FANCC: variants seen among roughly 807,000 people sequenced by gnomAD.
FANCC encodes the protein Fanconi anemia group C protein.
A neutral mutation model predicts 71.3 loss-of-function variants in FANCC; 55 were observed. The ratio of observed to expected loss-of-function variants is 0.77; its 90% CI spans 0.62 to 0.97. The LOEUF (loss-of-function observed/expected upper bound fraction) is 0.97. Among genes scored for constraint, FANCC ranks in the 50% least tolerant of loss-of-function variants. FANCC has a pLI of 0.00. For missense variants in FANCC, 678 were observed against 670.9 expected (o/e 1.01, Z -0.12); for synonymous variants, 275 against 244.9 (o/e 1.12, Z -1.15).
intron 1 of FANCC, among the ~76,000 whole-genome samples, chr9:95,273,554 G>A (rs765697975): frequency 6.6e-6 from 1 of 152,208 alleles, no homozygotes; most frequent in Non-Finnish European, 1.5e-5. Context: ...TTTCTGCTCC[G>A]TTCAAGCACA....
intron 8 of FANCC, among the ~76,000 whole-genome samples, chr9:95,128,954 G>T (rs1826442943): frequency 1.3e-5 from 2 of 151,686 alleles, no homozygotes; most frequent in Admixed American, 1.3e-4. Context: ...TGCCAGGCTG[G>T]AGTGCAGTGG....
chr9:95,253,435 T>C (rs1399513386), intron 1 of FANCC, among the ~76,000 whole-genome samples: 2 of 152,154 alleles, frequency 1.3e-5, no homozygotes, highest in Non-Finnish European at 2.9e-5. Flanking sequence ...ATGTAAGGTG[T>C]TTCTCTCAAC....
chr9:95,314,530 T>TA (rs1835618755), intron 1 of FANCC, among the ~76,000 whole-genome samples: 2 of 152,156 alleles, frequency 1.3e-5, no homozygotes, highest in South Asian at 4.2e-4. Flanking sequence ...AGGGTGCCTG[T>TA]AGTCCCAGCT....
chr9:95,129,172 C>T (rs1232156018), intron 8 of FANCC, among the ~76,000 whole-genome samples: 1 of 152,128 alleles, frequency 6.6e-6, no homozygotes, highest in Non-Finnish European at 1.5e-5. Flanking sequence ...CCTTGCTACC[C>T]CTACAGCTGT....
At chr9:95,314,132 G>A (rs887992261) in intron 1 of FANCC, among the ~76,000 whole-genome samples, 7 of 152,200 alleles carry the variant, frequency 4.6e-5, no homozygotes, top group African/African-American at 1.7e-4. Context: ...CACATGGAAA[G>A]AAAAGTAAAA....
chr9:95,253,663 A>T (rs1030551828), intron 1 of FANCC, among the ~76,000 whole-genome samples: 5 of 152,214 alleles, frequency 3.3e-5, no homozygotes, highest in South Asian at 2.1e-4. Flanking sequence ...CTTTTAAAAA[A>T]TTTTTTATTC....
chr9:95,217,240 C>T (rs1039206390), intron 4 of FANCC, among the ~76,000 whole-genome samples: 1 of 152,180 alleles, frequency 6.6e-6, no homozygotes, highest in African/African-American at 2.4e-5. Flanking sequence ...AATCCCAGCA[C>T]TTTGGGAGGC....
intron 4 of FANCC, among the ~76,000 whole-genome samples, chr9:95,189,910 TG>T (rs1175577066): frequency 6.6e-6 from 1 of 152,182 alleles, no homozygotes; most frequent in Non-Finnish European, 1.5e-5. Flanking sequence ...AGCGTTGGCT[TG>T]GATTTCTGAC....
intron 4 of FANCC, among the ~76,000 whole-genome samples, chr9:95,189,497 C>T (rs1826947338): frequency 6.6e-6 from 1 of 151,406 alleles, no homozygotes; most frequent in South Asian, 2.1e-4. Flanking sequence ...CTTTTGCTTA[C>T]AGAACCTCTT....
chr9:95,267,683 C>A (rs1457878438), intron 1 of FANCC, among the ~76,000 whole-genome samples: 1 of 151,990 alleles, frequency 6.6e-6, no homozygotes, highest in African/African-American at 2.4e-5. Flanking sequence ...ATACTTAAGA[C>A]ACTAAAATAA....
intron 6 of FANCC, among the ~76,000 whole-genome samples, chr9:95,154,245 C>CA (rs58720791): frequency 0.38 from 18,972 of 49,920 alleles, 5,403 homozygotes; most frequent in East Asian, 0.49. Context: ...GACTCCGTCT[C>CA]AAAAAAAAAA....
chr9:95,170,299 T>C (rs1404155793), intron 6 of FANCC, among the ~76,000 whole-genome samples: 1 of 151,994 alleles, frequency 6.6e-6, no homozygotes, highest in Middle Eastern at 3.2e-3. Flanking sequence ...AATGTTTTCC[T>C]CTAATAATTA....
Position 95,107,232 on chromosome 9 carries a change from A to G in FANCC, c.1367T>C (p.Met456Thr), listed in dbSNP as rs1341758912. ...VKAVLGHLLA[M>T]SRSSSLSAQD... ...GGCTGAGAGGCTGCTGCTTCTGGAC[A>G]TTGCCAGGAGGTGGCCCAGCACGGC... Residue 456 changes from methionine to threonine, a missense_variant, in exon 14 of 15, where the codon ATG becomes ACG. Physicochemically the swap from Met to Thr is moderately conservative, Grantham distance 81 (BLOSUM62 -1). Transcript: ENST00000289081. The G allele has an allele frequency of 1.2e-6, 2 of 1,614,180 alleles. No homozygotes were observed. Among genetic ancestry groups the G allele is most frequent in the East Asian group, 4.5e-5 (2 of 44,886 alleles).
chr9:95,178,560 G>A (rs1009141448), intron 4 of FANCC, among the ~76,000 whole-genome samples: 7 of 152,208 alleles, frequency 4.6e-5, no homozygotes, highest in African/African-American at 1.7e-4. Context: ...TAAGGAACAC[G>A]ACCTCCATTC....
At position 95,229,770 on chromosome 9, in the gene FANCC, TACACACACACACAC is replaced by T. The variant is rs3030656; in HGVS notation, c.345+10865_345+10878del. ...CTGTCAGTGCTTGTGTGCACACATG[TACACACACACACAC>T]ACACACACACACACACACACATTGT... On this transcript the variant is annotated intron_variant, in intron 4 of 14. Transcript: ENST00000289081. 5.4e-5 allele frequency among the ~76,000 whole-genome samples: 8 copies of T among 148,426 alleles called. No individual in the cohort carries two copies. In the East Asian group the frequency reaches 6.0e-4, roughly 11 times the overall value.
At chr9:95,291,621 T>G (rs1360542197) in intron 1 of FANCC, among the ~76,000 whole-genome samples, 1 of 152,100 alleles carries the variant, frequency 6.6e-6, no homozygotes, top group African/African-American at 2.4e-5. Flanking sequence ...GTTCACAGAT[T>G]GGAAGAATTC....
At chr9:95,310,150 G>A (rs1160013542) in intron 1 of FANCC, among the ~76,000 whole-genome samples, 2 of 152,134 alleles carry the variant, frequency 1.3e-5, no homozygotes, top group Non-Finnish European at 2.9e-5. Flanking sequence ...ACAGCTTGAG[G>A]CTGGGAGTTC....
chr9:95,176,523 T>C (rs1250613855), intron 4 of FANCC, among the ~76,000 whole-genome samples: 4 of 152,234 alleles, frequency 2.6e-5, no homozygotes, highest in Non-Finnish European at 4.4e-5. Context: ...CTTGTGAGAA[T>C]TGACTTCTTG....
Position 95,302,239 on chromosome 9 carries a change from A to G in FANCC, c.-79+15287T>C, listed in dbSNP as rs1309401539. Among the ~76,000 whole-genome samples the G allele has an allele frequency of 3.9e-5, 6 of 152,356 alleles. No individual in the cohort carries two copies. In the East Asian group the frequency reaches 1.2e-3, roughly 29 times the overall value. ...GGAGAGCTGCTCCCACGTGGTGGAC[A>G]GAAGGGGTCACTGGCCAACCCTAGT... On this transcript the variant is annotated intron_variant, in intron 1 of 14. Coordinates refer to ENST00000289081, the MANE Select transcript of FANCC (RefSeq NM_000136.3).
Sources: allele counts gnomAD v4.1 joint callset (sites outside exome capture counted in the v4.1 genomes callset), GRCh38; gene constraint gnomAD v4.1.1; transcripts MANE v1.5; gene names NCBI Gene and HGNC (gene_info 2026-07-23, HGNC 2026-07-21).